Variants in ASH1L observed in about 807,000 individuals in gnomAD.
The protein encoded by ASH1L is histone-lysine N-methyltransferase ASH1L.
In ASH1L, 23 loss-of-function variants were observed where a neutral mutation model predicts 269.0. The observed-to-expected ratio is 0.09, with a 90% CI of 0.06 to 0.12. The LOEUF (loss-of-function observed/expected upper bound fraction) is 0.12. Ranked by LOEUF, ASH1L falls within the 10% of genes least tolerant of loss-of-function variation. ASH1L has a pLI of 1.00. For missense variants in ASH1L, 2,912 were observed against 3,567.8 expected, an observed-to-expected ratio of 0.82 and a Z score of 4.68; for synonymous variants, 1,187 against 1,253.5, an observed-to-expected ratio of 0.95 and a Z score of 1.12.
Position 155,480,134 on chromosome 1 carries a change from T to C in ASH1L, c.2736A>G (p.Pro912=). 2.5e-6 allele frequency: 4 copies of C among 1,614,142 alleles called. No homozygotes were observed. Among genetic ancestry groups the C allele is most frequent in the Non-Finnish European group, 3.4e-6 (4 of 1,180,004 alleles). The change falls in exon 3 of 28, where the codon CCA becomes CCG. Residue 912 remains proline, a synonymous_variant. Coordinates refer to ENST00000392403, the MANE Select transcript of ASH1L (RefSeq NM_018489.3). ...KMKPPVLSVA[P]FVATESPSKL... ...TGCTTGGACTTTCAGTGGCAACAAA[T>C]GGAGCCACTGACAGTACAGGTGGCT...
chr1:155,389,234 G>A (rs1218409531), intron 7 of ASH1L, among the ~76,000 whole-genome samples: 2 of 151,636 alleles, frequency 1.3e-5, no homozygotes, highest in Non-Finnish European at 2.9e-5. Context: ...CTGACCTCAG[G>A]TGATCTGCCT....
At chr1:155,446,607 GTTTCTTTTTTTTTTT>G (rs960158774) in intron 4 of ASH1L, among the ~76,000 whole-genome samples, 28 of 144,792 alleles carry the variant, frequency 1.9e-4, no homozygotes, top group African/African-American at 5.1e-4. Context: ...CTACATTTCA[GTTTCTTTTTTTTTTT>G]TTTCTTTTTT....
chr1:155,526,943 C>T (rs991858401), intron 1 of ASH1L, among the ~76,000 whole-genome samples: 3 of 152,186 alleles, frequency 2.0e-5, no homozygotes, highest in Non-Finnish European at 2.9e-5. Context: ...AGATGGCTCA[C>T]GCCTGTAATC....
intron 7 of ASH1L, among the ~76,000 whole-genome samples, chr1:155,394,996 A>C (rs1658231620): frequency 6.6e-6 from 1 of 152,158 alleles, no homozygotes; most frequent in Non-Finnish European, 1.5e-5. Flanking sequence ...AGTGCAGTGG[A>C]AGGATCATGA....
Position 155,433,535 on chromosome 1 carries a change from C to A in ASH1L, c.5828+4792G>T, listed in dbSNP as rs113634850. The stretch of plus-strand genomic sequence containing the variant: ...CTCCCTGGAGCCCTGCACCGTCCCC[C>A]CTGGTGCCGTGAAACTGGAGAAGGA... On this transcript the variant is annotated intron_variant, in intron 5 of 27. Transcript: ENST00000392403. 4 of 1,610,600 alleles carry A rather than the reference C, an allele frequency of 2.5e-6. No individual in the cohort carries two copies. In the South Asian group the frequency reaches 3.3e-5, roughly 13 times the overall value.
intron 13 of ASH1L, among the ~76,000 whole-genome samples, chr1:155,360,073 A>G (rs751178626): frequency 2.0e-4 from 30 of 151,802 alleles, no homozygotes; most frequent in Non-Finnish European, 4.0e-4. Flanking sequence ...TGTATTTTTG[A>G]TAGACAGGGT....
chr1:155,542,532 G>T (rs1324174515), intron 1 of ASH1L, among the ~76,000 whole-genome samples: 1 of 151,674 alleles, frequency 6.6e-6, no homozygotes. Flanking sequence ...CTGGGCAACA[G>T]AGCAAGACTC....
intron 1 of ASH1L, among the ~76,000 whole-genome samples, chr1:155,553,349 G>A (rs567532592): frequency 6.6e-6 from 1 of 152,258 alleles, no homozygotes; most frequent in East Asian, 1.9e-4. Flanking sequence ...ATCTTTGCTA[G>A]AAATTACTTT....
chr1:155,460,902 T>G (rs987847040), intron 3 of ASH1L, among the ~76,000 whole-genome samples: 2 of 152,186 alleles, frequency 1.3e-5, no homozygotes, highest in Non-Finnish European at 2.9e-5. Context: ...AAGAAAAGTA[T>G]GTTGTTGATG....
chr1:155,519,417 CAA>C (rs533906996), intron 2 of ASH1L, among the ~76,000 whole-genome samples: 259 of 152,018 alleles, frequency 1.7e-3, no homozygotes, highest in Non-Finnish European at 3.2e-3. Context: ...GCCTGGGCAA[CAA>C]GAGTGAAACT....
chr1:155,442,450 G>A (rs1276723653), intron 4 of ASH1L, among the ~76,000 whole-genome samples: 1 of 151,778 alleles, frequency 6.6e-6, no homozygotes, highest in Non-Finnish European at 1.5e-5. Context: ...GGGTGTGGTC[G>A]CAGGCGCCTT....
chr1:155,389,803 A>C (rs972352144), intron 7 of ASH1L, among the ~76,000 whole-genome samples: 1 of 152,074 alleles, frequency 6.6e-6, no homozygotes, highest in Non-Finnish European at 1.5e-5. Context: ...GAGTATATTA[A>C]GTTTTATAAG....
intron 3 of ASH1L, 54 bp downstream of exon 3, chr1:155,477,832 T>A: frequency 1.3e-6 from 2 of 1,496,220 alleles, no homozygotes; most frequent in Non-Finnish European, 1.8e-6. Context: ...CAGGCACCTG[T>A]GGAAAATAAC....
intron 17 of ASH1L, 64 bp from the exon 18 acceptor site, chr1:155,349,660 A>C: frequency 7.1e-7 from 1 of 1,407,326 alleles, no homozygotes; most frequent in Non-Finnish European, 1.0e-6. Flanking sequence ...GCATCTCCTA[A>C]CTGGAAGAAT....
At chr1:155,378,698 A>T (rs956951137) in intron 8 of ASH1L, 150 bp from the exon 9 acceptor site, 1 of 644,508 alleles carries the variant, frequency 1.6e-6, no homozygotes, top group African/African-American at 1.8e-5. Context: ...ATTTGAGGGA[A>T]ACTCTTGGTG....
chr1:155,478,273 T>C lies in ASH1L; in HGVS notation c.4597A>G (p.Lys1533Glu). 6.2e-7 allele frequency: 1 copy of C among 1,614,110 alleles called. No homozygotes were observed. The highest frequency in any genetic ancestry group is 8.5e-7 in the Non-Finnish European group (1 of 1,180,024). ...GGGCAGGACATGTGACAACGGTGCT[T>C]TTCCTTATGCTTATATCGCTCTCCA... Reference protein sequence around the residue: ...AVGERYKHKEKHRCHMSCPHL... With the variant: ...AVGERYKHKEEHRCHMSCPHL... The change falls in exon 3 of 28, where the codon AAG (lysine) becomes GAG (glutamate). Residue 1533 changes from lysine to glutamate, a missense_variant. Around this residue, in one of 13 missense-constraint regions of ASH1L, gnomAD observed 789 missense variants for 897.6 expected, o/e 0.88. Coordinates refer to ENST00000392403, the MANE Select transcript of ASH1L (RefSeq NM_018489.3). The surrounding 1 kb of genome is among the most constrained non-coding windows in gnomAD (Gnocchi z 4.6).
chr1:155,459,897 G>A lies in ASH1L; in HGVS notation c.4986C>T (p.Gly1662=), dbSNP rs1664158744. Residue 1662 remains glycine, a splice_region_variant and synonymous_variant, in exon 4 of 28, where the codon GGC becomes GGT. Transcript: ENST00000392403. The stretch of plus-strand genomic sequence containing the variant: ...AGGGTTTATCAGAGGTTGGCTGGGA[G>A]CCTGGAGAAAGAGAAAAAGATAGAA... ...SNERAVQTLA[G]SQPTSDKPSQ... The A allele has an allele frequency of 6.3e-7, 1 of 1,579,862 alleles. No individual in the cohort carries two copies. The highest frequency in any genetic ancestry group is 1.9e-5 in the Admixed American group (1 of 51,438).
intron 11 of ASH1L, 31 bp from the exon 12 acceptor site, chr1:155,370,681 T>A: frequency 6.2e-7 from 1 of 1,612,336 alleles, no homozygotes; most frequent in Non-Finnish European, 8.5e-7. Flanking sequence ...TGAAAGACAA[T>A]TAAAGAGTAG....
chr1:155,441,576 C>A (rs1214140112), intron 4 of ASH1L, among the ~76,000 whole-genome samples: 1 of 147,688 alleles, frequency 6.8e-6, no homozygotes, highest in Non-Finnish European at 1.5e-5. Flanking sequence ...CATTCTCCTG[C>A]CTCAGCCTCC....
Sources: allele counts gnomAD v4.1 joint callset (sites outside exome capture counted in the v4.1 genomes callset), GRCh38; gene constraint gnomAD v4.1.1; regional missense constraint gnomAD v4.1.1; non-coding constraint Gnocchi (gnomAD v3.1); transcripts MANE v1.5; gene names NCBI Gene and HGNC (gene_info 2026-07-23, HGNC 2026-07-21).